The following SYNE2 variants were observed in gnomAD, a reference collection of about 807,000 sequenced individuals.
The protein encoded by SYNE2 is spectrin repeat containing nuclear envelope protein 2.
A neutral mutation model predicts 856.3 loss-of-function variants in SYNE2; 431 were observed. The observed-to-expected ratio is 0.50, with a 90% CI of 0.47 to 0.55. The LOEUF is 0.55. Among genes scored for constraint, SYNE2 ranks in the 20% least tolerant of loss-of-function variants. The probability of loss-of-function intolerance (pLI) is 0.00; values close to 1 mark genes in which losing one functional copy is unlikely to be tolerated. For synonymous variants in SYNE2, 2,923 were observed against 2,872.3 expected (o/e 1.02, Z -0.56); for missense variants, 8,129 against 8,023.2 (o/e 1.01, Z -0.50).
intron 89 of SYNE2, 100 bp downstream of exon 89, chr14:64,163,681 C>T (rs559512655): frequency 4.2e-5 from 59 of 1,413,136 alleles, no homozygotes; most frequent in Non-Finnish European, 5.5e-5. Context: ...CGGGCTGCTC[C>T]TTAGCAAAAT....
rs1464868301 is a variant in SYNE2 at position 63,960,595 on chromosome 14, TAAAC to T, written c.788-928_788-925del. Reference sequence around the variant, plus strand: ...CTTTAAGTTTAACTTAATTAATAAATAAACAGTGAAGTGTTTTTTTTTTTCCAAT... The same window carrying T: ...CTTTAAGTTTAACTTAATTAATAAATAGTGAAGTGTTTTTTTTTTTCCAAT... On this transcript the variant is annotated intron_variant, in intron 8 of 115. Transcript: ENST00000555002. The T allele has an allele frequency of 7.1e-5, 41 of 580,944 alleles. No homozygotes were observed. The South Asian group carries it at 8.3e-4, about 12-fold the overall frequency. 36.0% of individuals were successfully genotyped at this position (580,944 alleles called of 1,614,324 possible).
chr14:64,190,975 G>T (rs2098515824), intron 99 of SYNE2: 1 of 702,216 alleles, frequency 1.4e-6, no homozygotes, highest in Non-Finnish European at 2.6e-6. Context: ...CCGTCACTTG[G>T]CCTTGGGACC....
Position 64,137,890 on chromosome 14 carries a change from A to G in SYNE2, c.14750A>G (p.Gln4917Arg), listed in dbSNP as rs962823054. Reference protein sequence around the residue: ...ASVSCPELEGQIAKLEEQWLS... With the variant: ...ASVSCPELEGRIAKLEEQWLS... ...GTGAGCTGTCCTGAATTAGAGGGCCAGATCGCAAAACTGGAAGAGCAGTGG... is the reference window on the plus strand; with the variant it reads ...GTGAGCTGTCCTGAATTAGAGGGCCGGATCGCAAAACTGGAAGAGCAGTGG... The change falls in exon 79 of 116, where the codon CAG (glutamine) becomes CGG (arginine). Residue 4917 changes from glutamine (Q) to arginine (R), a missense_variant. By Grantham distance (43) the Gln-to-Arg change is conservative. This residue lies in a region of SYNE2 where 5,410 missense variants were observed against 5,284.8 expected (regional missense o/e 1.02). Transcript: ENST00000555002. The G allele has an allele frequency of 3.1e-6, 5 of 1,614,122 alleles. No homozygotes were observed. The highest frequency in any genetic ancestry group is 4.2e-6 in the Non-Finnish European group (5 of 1,180,038).
chr14:64,098,175 CCCACACTCCACAAGAG>C (rs2097692792), intron 62 of SYNE2, 29 bp downstream of exon 62: 1 of 1,609,380 alleles, frequency 6.2e-7, no homozygotes, highest in South Asian at 1.1e-5. Context: ...TAATGCTGGC[CCCACACTCCACAAGAG>C]CATTAATGGG....
At chr14:64,000,499 G>A in intron 27 of SYNE2, 63 bp from the exon 28 acceptor site, 1 of 1,447,030 alleles carries the variant, frequency 6.9e-7, no homozygotes, top group Admixed American at 1.7e-5. Flanking sequence ...CATGTTTTAA[G>A]AACAGAATAA....
chr14:64,025,787 G>A (rs142073929), intron 41 of SYNE2, among the ~76,000 whole-genome samples: 133 of 152,284 alleles, frequency 8.7e-4, no homozygotes, highest in African/African-American at 3.2e-3. Context: ...GTCGAGGCAG[G>A]GGAGTTCTTC....
intron 113 of SYNE2, among the ~76,000 whole-genome samples, chr14:64,224,181 C>CAG (rs556126119): frequency 9.4e-5 from 7 of 74,748 alleles, no homozygotes; most frequent in African/African-American, 3.3e-4. Context: ...CCCGTCTCTG[C>CAG]AAAAAAAAAA....
intron 84 of SYNE2, among the ~76,000 whole-genome samples, chr14:64,147,217 T>C (rs2098195363): frequency 6.6e-6 from 1 of 152,190 alleles, no homozygotes; most frequent in African/African-American, 2.4e-5. Flanking sequence ...GTCTGGCCAG[T>C]CTGTCTCGGT....
intron 30 of SYNE2, among the ~76,000 whole-genome samples, chr14:64,004,622 G>A (rs191239039): frequency 2.4e-4 from 36 of 152,214 alleles, no homozygotes; most frequent in Admixed American, 3.9e-4. Flanking sequence ...GAGCCACCGC[G>A]CCTGGCCTCT....
rs2094747411 is a variant in SYNE2, at chr14:63,877,312, A to G, written c.-52+24169A>G. Among the ~76,000 whole-genome samples, 3 of 152,182 alleles carry G rather than the reference A, an allele frequency of 2.0e-5. No homozygotes were observed. The South Asian group carries it at 6.2e-4, about 32-fold the overall frequency. The stretch of plus-strand genomic sequence containing the variant: ...ACCTAGAACTTTGGTCAAAATAGGA[A>G]CTATGATTCATAGCTAAAACTTTAC... On this transcript the variant is annotated intron_variant, in intron 1 of 115. Transcript: ENST00000555002.
At chr14:64,169,932 T>TGTTTGG (rs2098402525) in intron 93 of SYNE2, among the ~76,000 whole-genome samples, 1 of 152,226 alleles carries the variant, frequency 6.6e-6, no homozygotes, top group Non-Finnish European at 1.5e-5. Flanking sequence ...AGTTTTCCTT[T>TGTTTGG]CCACGTTTGG....
chr14:64,202,657 C>T, intron 99 of SYNE2, 144 bp from the exon 100 acceptor site: 1 of 1,014,540 alleles, frequency 9.9e-7, no homozygotes, highest in Non-Finnish European at 1.5e-6. Context: ...GAGAGTTGTT[C>T]TGATATAAAA....
At chr14:64,163,911 G>A (rs879706009) in intron 89 of SYNE2, among the ~76,000 whole-genome samples, 6 of 151,870 alleles carry the variant, frequency 4.0e-5, no homozygotes, top group African/African-American at 1.2e-4. Context: ...TCATATCTTC[G>A]TGTCTTCATT....
At position 64,163,448 on chromosome 14, in the gene SYNE2, A is replaced by C; in HGVS notation, c.16346A>C (p.Asn5449Thr). Residue 5449 changes from asparagine (N) to threonine (T), a missense_variant, in exon 89 of 116, where the codon AAT becomes ACT. Physicochemically the swap from Asn to Thr is moderately conservative, Grantham distance 65 (BLOSUM62 0). Coordinates refer to ENST00000555002, the MANE Select transcript of SYNE2 (RefSeq NM_182914.3). ...VQKTKEAFLQNSSVLDRLPQP... is the reference protein window; with the variant it reads ...VQKTKEAFLQTSSVLDRLPQP... The stretch of plus-strand genomic sequence containing the variant: ...AAAACAAAAGAAGCCTTTCTCCAAA[A>C]TTCCAGTGTCCTGGATCGACTCCCA... 6.2e-7 allele frequency: 1 copy of C among 1,614,152 alleles called. No homozygotes were observed. Among genetic ancestry groups the C allele is most frequent in the Non-Finnish European group, 8.5e-7 (1 of 1,180,036 alleles).
chr14:64,215,668 C>G (rs1228850272), intron 107 of SYNE2: 2 of 477,084 alleles, frequency 4.2e-6, no homozygotes, highest in Admixed American at 7.4e-5. Context: ...ATGGGCCAAG[C>G]TTTCTTCATG....
intron 102 of SYNE2, 99 bp from the exon 103 acceptor site, chr14:64,209,843 G>C: frequency 6.6e-7 from 1 of 1,524,818 alleles, no homozygotes; most frequent in South Asian, 1.1e-5. Context: ...TGCAGTTTGG[G>C]GATGAACCCC....
At chr14:64,130,465 C>A (rs1174651564) in intron 76 of SYNE2, among the ~76,000 whole-genome samples, 1 of 152,186 alleles carries the variant, frequency 6.6e-6, no homozygotes, top group Non-Finnish European at 1.5e-5. Flanking sequence ...TCCTTACATT[C>A]ACAGAGCTTT....
At chr14:64,041,856 A>T (rs940150837) in intron 45 of SYNE2, among the ~76,000 whole-genome samples, 15 of 152,072 alleles carry the variant, frequency 9.9e-5, no homozygotes, top group Admixed American at 4.6e-4. Context: ...TCTTAAAAAA[A>T]AAAAAAGAAA....
chr14:63,923,319 G>A (rs2095622549), intron 2 of SYNE2, among the ~76,000 whole-genome samples: 1 of 152,198 alleles, frequency 6.6e-6, no homozygotes, highest in South Asian at 2.1e-4. Context: ...ACTGTCAGGT[G>A]TTTACACAAG....
Sources: gnomAD v4.1 joint callset for allele counts (sites outside exome capture counted in the v4.1 genomes callset) on GRCh38, gnomAD v4.1.1 for gene constraint, gnomAD v4.1.1 regional missense constraint, MANE v1.5 for transcripts, NCBI Gene and HGNC (gene_info 2026-07-23, HGNC 2026-07-21) for gene names.